LYRM4: variants seen among roughly 807,000 people sequenced by gnomAD.
LYRM4 encodes LYR motif containing 4, also known as LYR motif-containing protein 4.
In LYRM4, 9 loss-of-function variants were observed where a neutral mutation model predicts 11.7. The ratio of observed to expected loss-of-function variants is 0.77; its 90% CI spans 0.46 to 1.34. The LOEUF is 1.34. LYRM4 is among the 40% of genes most tolerant of loss of function. LYRM4 has a pLI of 0.00. For synonymous variants in LYRM4, 42 were observed against 40.4 expected, an observed-to-expected ratio of 1.04 and a Z score of -0.15; for missense variants, 133 against 112.5, an observed-to-expected ratio of 1.18 and a Z score of -0.82.
chr6:5,056,371 C>T, the LYRM4 span, among the ~76,000 whole-genome samples: 1 of 152,148 alleles, frequency 6.6e-6, no homozygotes, highest in East Asian at 1.9e-4. Context: ...TTTGATATGA[C>T]ACCAAGACTA....
At chr6:5,078,042 C>A in the LYRM4 span, among the ~76,000 whole-genome samples, 1 of 152,102 alleles carries the variant, frequency 6.6e-6, no homozygotes, top group South Asian at 2.1e-4. Context: ...TCAGTCCTGA[C>A]CTACAAGTTA....
In LYRM4 at chr6:5,162,074, T is replaced by G. The variant is rs1296432992; in HGVS notation, c.208-52583A>C. Among the ~76,000 whole-genome samples the G allele has an allele frequency of 2.0e-5, 3 of 152,318 alleles. No homozygotes were observed. In the East Asian group the frequency reaches 5.8e-4, roughly 29 times the overall value. On this transcript the variant is annotated intron_variant, in intron 2 of 2. Transcript: ENST00000330636. ...CAACCCAGCCACAACACAAGTCATG[T>G]AGCCTAACAGGGTTGCTCAGGAGGG...
At chr6:5,072,636 T>C in the LYRM4 span, among the ~76,000 whole-genome samples, 2 of 151,512 alleles carry the variant, frequency 1.3e-5, no homozygotes, top group East Asian at 3.9e-4. Context: ...TGGAGTTCAA[T>C]GGCACGATCT....
chr6:5,067,772 C>T, the LYRM4 span, among the ~76,000 whole-genome samples: 6 of 152,108 alleles, frequency 3.9e-5, no homozygotes, highest in Non-Finnish European at 5.9e-5. Context: ...CGTTTTTAAG[C>T]GTTACGATAC....
At chr6:5,120,526 G>C (rs1459399600) in intron 2 of LYRM4, among the ~76,000 whole-genome samples, 1 of 152,158 alleles carries the variant, frequency 6.6e-6, no homozygotes, top group Non-Finnish European at 1.5e-5. Context: ...GAGAGCGAAG[G>C]AACAAAGTCT....
At chr6:5,102,379 T>C (rs1441976654), downstream of LYRM4, among the ~76,000 whole-genome samples, 1 of 152,188 alleles carries the variant, frequency 6.6e-6, no homozygotes, top group Non-Finnish European at 1.5e-5. Flanking sequence ...ATCACACATG[T>C]GCATGTAAAT....
chr6:5,154,364 A>G (rs1758261835), intron 2 of LYRM4, among the ~76,000 whole-genome samples: 1 of 152,160 alleles, frequency 6.6e-6, no homozygotes, highest in African/African-American at 2.4e-5. Context: ...GACCACCCCT[A>G]TTCCCCCATC....
At chr6:5,225,368 T>A (rs1371474109) in intron 1 of LYRM4, among the ~76,000 whole-genome samples, 1 of 152,176 alleles carries the variant, frequency 6.6e-6, no homozygotes, top group Non-Finnish European at 1.5e-5. Context: ...TCTCTCTAGA[T>A]GCTATCACAG....
At chr6:5,086,797 C>G in the LYRM4 span, 1 of 552,966 alleles carries the variant, frequency 1.8e-6, no homozygotes, top group Non-Finnish European at 3.2e-6. Context: ...TCTTCTCGTC[C>G]GTTTGACCTT....
intron 2 of LYRM4, among the ~76,000 whole-genome samples, chr6:5,145,326 G>T (rs1757657826): frequency 6.6e-6 from 1 of 152,246 alleles, no homozygotes; most frequent in African/African-American, 2.4e-5. Flanking sequence ...TTTCCATGTG[G>T]GGGGCACGCG....
At position 5,145,484 on chromosome 6, in the gene LYRM4, C is replaced by T. The variant is rs142323679; in HGVS notation, c.208-35993G>A. On this transcript the variant is annotated intron_variant, in intron 2 of 2. Coordinates refer to ENST00000330636, the MANE Select transcript of LYRM4 (RefSeq NM_020408.6). ...TTTCCCTTGGTGACTCCGGAGTCAA[C>T]GCTCTTCATCACTATGACGGCGAGG... Among the ~76,000 whole-genome samples, 810 of 152,282 alleles carry T rather than the reference C, an allele frequency of 5.3e-3. 8 individuals carry two copies. The highest frequency in any genetic ancestry group is 0.019 in the African/African-American group (770 of 41,548).
intron 2 of LYRM4, among the ~76,000 whole-genome samples, chr6:5,120,266 C>G (rs1423932123): frequency 6.6e-6 from 1 of 152,174 alleles, no homozygotes; most frequent in Non-Finnish European, 1.5e-5. Flanking sequence ...TCTCATCTCA[C>G]AAGCTTTCTG....
chr6:5,207,126 C>T (rs1339127722), intron 2 of LYRM4, among the ~76,000 whole-genome samples: 3 of 152,176 alleles, frequency 2.0e-5, no homozygotes, highest in African/African-American at 7.2e-5. Flanking sequence ...TTGCTCAAAA[C>T]CTCTTCTCTT....
intron 2 of LYRM4, chr6:5,187,085 T>A (rs933642711): frequency 1.9e-5 from 18 of 930,780 alleles, no homozygotes; most frequent in Middle Eastern, 5.2e-4. Flanking sequence ...AACAATAGAA[T>A]GGTGAATGAA....
chr6:5,206,909 A>G (rs183713989), intron 2 of LYRM4, among the ~76,000 whole-genome samples: 2 of 151,990 alleles, frequency 1.3e-5, no homozygotes, highest in South Asian at 4.2e-4. Flanking sequence ...TCGCAGCTTC[A>G]TTACCAGACT....
the LYRM4 span, among the ~76,000 whole-genome samples, chr6:5,074,365 T>C: frequency 6.6e-6 from 1 of 151,652 alleles, no homozygotes; most frequent in African/African-American, 2.4e-5. Context: ...CTGGCTAATT[T>C]TGATAATGAG....
At chr6:5,076,175 G>T in the LYRM4 span, among the ~76,000 whole-genome samples, 1 of 152,018 alleles carries the variant, frequency 6.6e-6, no homozygotes, top group Non-Finnish European at 1.5e-5. Flanking sequence ...CAAACTCCTG[G>T]GCTCAAGTGA....
intron 2 of LYRM4, among the ~76,000 whole-genome samples, chr6:5,127,384 T>TA (rs1763744339): frequency 6.6e-6 from 1 of 152,216 alleles, no homozygotes; most frequent in South Asian, 2.1e-4. Context: ...CGTGCCCGGC[T>TA]GAATAATATA....
At chr6:5,093,183 G>A in the LYRM4 span, among the ~76,000 whole-genome samples, 1 of 152,216 alleles carries the variant, frequency 6.6e-6, no homozygotes, top group African/African-American at 2.4e-5. Context: ...TTTGGATTGT[G>A]CTGTTTACCA....
Sources: allele counts gnomAD v4.1 joint callset (sites outside exome capture counted in the v4.1 genomes callset), GRCh38; gene constraint gnomAD v4.1.1; transcripts MANE v1.5; gene names NCBI Gene and HGNC (gene_info 2026-07-23, HGNC 2026-07-21).